Variants in WBP1L observed in about 807,000 individuals in gnomAD.
WBP1L encodes WW domain binding protein 1-like.
WBP1L carries 17 observed loss-of-function variants against 33.7 expected under a neutral mutation model. The ratio of observed to expected loss-of-function variants is 0.50; its 90% CI spans 0.34 to 0.76. The LOEUF (loss-of-function observed/expected upper bound fraction) is 0.76, where lower values mean the gene tolerates loss of function less well. Ranked by LOEUF, WBP1L falls within the 30% of genes least tolerant of loss-of-function variation. The pLI, the probability that WBP1L is intolerant of heterozygous loss-of-function variation, is 0.01. For missense variants in WBP1L, 389 were observed against 469.4 expected, an observed-to-expected ratio of 0.83 and a Z score of 1.58; for synonymous variants, 173 against 190.8, an observed-to-expected ratio of 0.91 and a Z score of 0.77.
At chr10:102,766,594 G>C (rs1843113949) in intron 1 of WBP1L, among the ~76,000 whole-genome samples, 1 of 151,930 alleles carries the variant, frequency 6.6e-6, no homozygotes, top group Admixed American at 6.6e-5. Flanking sequence ...CTGCAGTCCA[G>C]CTTGGGTGAC....
chr10:102,802,963 T>C (rs1193725370), intron 2 of WBP1L, among the ~76,000 whole-genome samples: 1 of 152,214 alleles, frequency 6.6e-6, no homozygotes, highest in African/African-American at 2.4e-5. Flanking sequence ...TATTAACTCA[T>C]TTAGTCCTCA....
chr10:102,770,028 G>C (rs1310596152), intron 1 of WBP1L, among the ~76,000 whole-genome samples: 1 of 152,240 alleles, frequency 6.6e-6, no homozygotes, highest in Non-Finnish European at 1.5e-5. Flanking sequence ...CCAGGACATA[G>C]ATAAAGCTAG....
intron 2 of WBP1L, among the ~76,000 whole-genome samples, chr10:102,800,405 G>A (rs909025607): frequency 1.3e-5 from 2 of 152,182 alleles, no homozygotes; most frequent in African/African-American, 4.8e-5. Flanking sequence ...GGGCAGGGGG[G>A]TGGAGTGGTG....
chr10:102,744,163 T>C lies in WBP1L; in HGVS notation c.90+20T>C. 2 of 1,540,058 alleles carry C rather than the reference T, an allele frequency of 1.3e-6. No homozygotes were observed. The highest frequency in any genetic ancestry group is 1.8e-6 in the Non-Finnish European group (2 of 1,140,374). ...CCGCAGGTAAGGGGGAGGGGGCGTC[T>C]GGGCCATGTTGGGTCCTGGGGGTCG... On this transcript the variant is annotated intron_variant, in intron 1 of 3. Coordinates refer to ENST00000448841, the MANE Select transcript of WBP1L (RefSeq NM_001083913.2).
chr10:102,764,651 C>T (rs1297614048), intron 1 of WBP1L, among the ~76,000 whole-genome samples: 1 of 152,160 alleles, frequency 6.6e-6, no homozygotes, highest in African/African-American at 2.4e-5. Context: ...CCAGGAGCTT[C>T]CCCACCCTCT....
intron 2 of WBP1L, among the ~76,000 whole-genome samples, chr10:102,807,179 A>T (rs1843749074): frequency 6.6e-6 from 1 of 152,216 alleles, no homozygotes; most frequent in African/African-American, 2.4e-5. Flanking sequence ...AATATTATCT[A>T]TTCTCATTTA....
At chr10:102,794,946 AT>A (rs1460782262) in intron 1 of WBP1L, among the ~76,000 whole-genome samples, 1 of 152,084 alleles carries the variant, frequency 6.6e-6, no homozygotes, top group South Asian at 2.1e-4. Context: ...GCAGCAGAAA[AT>A]GACAGTTCCC....
chr10:102,800,533 G>T (rs762484850), intron 2 of WBP1L, among the ~76,000 whole-genome samples: 1 of 152,172 alleles, frequency 6.6e-6, no homozygotes, highest in Admixed American at 6.5e-5. Flanking sequence ...CTCTAGCTAC[G>T]GGCGTTTAGG....
chr10:102,812,487 G>A, intron 3 of WBP1L, 108 bp from the exon 4 acceptor site: 2 of 1,305,040 alleles, frequency 1.5e-6, no homozygotes, highest in Non-Finnish European at 2.1e-6. Flanking sequence ...TCACTTGTTG[G>A]GTGCTCTGGG....
chr10:102,765,525 C>T (rs1157507760), intron 1 of WBP1L, among the ~76,000 whole-genome samples: 1 of 152,190 alleles, frequency 6.6e-6, no homozygotes, highest in African/African-American at 2.4e-5. Context: ...TGTGCCACCA[C>T]ACCCAGCCAG....
At chr10:102,757,403 T>G (rs1842988278) in intron 1 of WBP1L, among the ~76,000 whole-genome samples, 1 of 152,168 alleles carries the variant, frequency 6.6e-6, no homozygotes, top group African/African-American at 2.4e-5. Context: ...ATGGGCACTG[T>G]TTGTCAAGTA....
At chr10:102,771,834 A>C (rs954332724) in intron 1 of WBP1L, among the ~76,000 whole-genome samples, 6 of 151,970 alleles carry the variant, frequency 3.9e-5, no homozygotes, top group Admixed American at 3.3e-4. Flanking sequence ...AGTTAATCTG[A>C]ATCCAAAGGG....
intron 1 of WBP1L, among the ~76,000 whole-genome samples, chr10:102,776,731 A>G (rs1310762273): frequency 6.6e-6 from 1 of 152,156 alleles, no homozygotes; most frequent in South Asian, 2.1e-4. Context: ...GGGGAAGGGG[A>G]GAGGCAGAGT....
chr10:102,789,642 G>A (rs573611973), intron 1 of WBP1L, among the ~76,000 whole-genome samples: 19 of 151,992 alleles, frequency 1.3e-4, no homozygotes, highest in Non-Finnish European at 2.6e-4. Context: ...TTAATTGTCC[G>A]TCTTCCCAAC....
In WBP1L at chr10:102,788,799, T is replaced by TG. The variant is rs969784045; in HGVS notation, c.91-9187dup. Among the ~76,000 whole-genome samples, 6 of 152,176 alleles carry TG rather than the reference T, an allele frequency of 3.9e-5. No individual in the cohort carries two copies. In the South Asian group the frequency reaches 1.2e-3, roughly 32 times the overall value. ...TCTGCAAGAGCAGCCACAACCTGGC[T>TG]GGGGGGGATAAATAAAGGCTCAAGG... On this transcript the variant is annotated intron_variant, in intron 1 of 3. Coordinates refer to ENST00000448841, the MANE Select transcript of WBP1L (RefSeq NM_001083913.2).
chr10:102,791,057 A>G (rs1843490258), intron 1 of WBP1L, among the ~76,000 whole-genome samples: 1 of 152,164 alleles, frequency 6.6e-6, no homozygotes, highest in African/African-American at 2.4e-5. Flanking sequence ...ACTATGTGCC[A>G]GTGGGCTAAT....
At chr10:102,752,936 G>A (rs955050907) in intron 1 of WBP1L, among the ~76,000 whole-genome samples, 4 of 152,078 alleles carry the variant, frequency 2.6e-5, no homozygotes, top group Non-Finnish European at 5.9e-5. Context: ...TGTTGTCATG[G>A]GTATCTTGCA....
At chr10:102,755,695 C>T (rs967594923) in intron 1 of WBP1L, among the ~76,000 whole-genome samples, 2 of 151,980 alleles carry the variant, frequency 1.3e-5, no homozygotes, top group African/African-American at 4.8e-5. Flanking sequence ...GCCCAGCCTA[C>T]ATTCTTTTTA....
intron 1 of WBP1L, among the ~76,000 whole-genome samples, chr10:102,768,376 T>G (rs1309369492): frequency 2.3e-4 from 3 of 12,996 alleles, no homozygotes; most frequent in Non-Finnish European, 4.1e-4. Flanking sequence ...TTTTTGTTTT[T>G]TTTTTTTTTT....
Sources: allele counts gnomAD v4.1 joint callset (sites outside exome capture counted in the v4.1 genomes callset), GRCh38; gene constraint gnomAD v4.1.1; transcripts MANE v1.5; gene names NCBI Gene and HGNC (gene_info 2026-07-23, HGNC 2026-07-21).